The following GHR variants were observed in gnomAD, a reference collection of about 807,000 sequenced individuals.
The protein encoded by GHR is GH receptor.
GHR carries 35 observed loss-of-function variants against 67.1 expected under a neutral mutation model. That is an observed-to-expected ratio of 0.52 (90% CI 0.40 to 0.69). The LOEUF (loss-of-function observed/expected upper bound fraction) is 0.69. Ranked by LOEUF, GHR falls within the 30% of genes least tolerant of loss-of-function variation. The probability of loss-of-function intolerance (pLI) is 0.00; values close to 1 mark genes in which losing one functional copy is unlikely to be tolerated. For synonymous variants in GHR, 272 were observed against 269.1 expected, an observed-to-expected ratio of 1.01 and a Z score of -0.10; for missense variants, 792 against 764.6, an observed-to-expected ratio of 1.04 and a Z score of -0.42.
At chr5:42,447,904 G>C (rs1341835572) in intron 1 of GHR, among the ~76,000 whole-genome samples, 2 of 151,798 alleles carry the variant, frequency 1.3e-5, no homozygotes, top group African/African-American at 4.8e-5. Flanking sequence ...TGGGATTACA[G>C]GTGCCCACAA....
At chr5:42,711,451 G>A in intron 7 of GHR, 79 bp downstream of exon 7, 1 of 970,162 alleles carries the variant, frequency 1.0e-6, no homozygotes, top group Admixed American at 1.7e-5. Context: ...TGCACTGGTA[G>A]TGTGTTGTCC....
chr5:42,668,774 G>T (rs1459381366), intron 3 of GHR, among the ~76,000 whole-genome samples: 1 of 151,894 alleles, frequency 6.6e-6, no homozygotes, highest in African/African-American at 2.4e-5. Context: ...GAGGTATATT[G>T]CATGCCAATG....
chr5:42,605,395 C>A (rs907123936), intron 2 of GHR, among the ~76,000 whole-genome samples: 11 of 151,954 alleles, frequency 7.2e-5, no homozygotes, highest in African/African-American at 2.7e-4. Flanking sequence ...TGAGAGCCAC[C>A]GCGCCCGGCC....
intron 1 of GHR, among the ~76,000 whole-genome samples, chr5:42,476,004 AC>A (rs1357895383): frequency 6.6e-6 from 1 of 150,888 alleles, no homozygotes; most frequent in East Asian, 1.9e-4. Flanking sequence ...TCCCAGGCTC[AC>A]GCCATTCTCC....
rs1288870407 is a variant in GHR at position 42,711,297 on chromosome 5, T to C, written c.709T>C (p.Ser237Pro). The C allele has an allele frequency of 1.2e-6, 2 of 1,613,090 alleles. No individual in the cohort carries two copies. The highest frequency in any genetic ancestry group is 2.7e-5 in the African/African-American group (2 of 74,904). ...GCGTGTGAGATCCAAACAACGAAAC[T>C]CTGGAAATTATGGCGAGTTCAGTGA... is the stretch of plus-strand genomic sequence containing the variant. ...EVRVRSKQRN[S>P]GNYGEFSEVL... The change falls in exon 7 of 10, where the codon TCT becomes CCT. Residue 237 changes from serine to proline, a missense_variant. Coordinates refer to ENST00000230882, the MANE Select transcript of GHR (RefSeq NM_000163.5).
Position 42,684,735 on chromosome 5 carries a change from A to G in GHR, c.137-4155A>G, listed in dbSNP as rs536706271. On this transcript the variant is annotated intron_variant, in intron 3 of 9. Transcript: ENST00000230882. Reference sequence around the variant, plus strand: ...AACTCTTGTAAATTTCTCCATTCATACAGGAAAATGAGTATTTCTTACAAC... The same window carrying G: ...AACTCTTGTAAATTTCTCCATTCATGCAGGAAAATGAGTATTTCTTACAAC... 4.6e-5 allele frequency among the ~76,000 whole-genome samples: 7 copies of G among 152,226 alleles called. No homozygotes were observed. The East Asian group carries it at 1.2e-3, about 25-fold the overall frequency.
Position 42,534,274 on chromosome 5 carries a change from A to G in GHR, c.-11-31590A>G, listed in dbSNP as rs993015618. Among the ~76,000 whole-genome samples the G allele has an allele frequency of 2.7e-3, 368 of 136,078 alleles. 4 individuals carry two copies. The highest frequency in any genetic ancestry group is 8.8e-3 in the African/African-American group (295 of 33,572). 89.3% of individuals were successfully genotyped at this position (136,078 alleles called of 152,430 possible). A position where few individuals can be genotyped will look rare whatever the true frequency, so the allele number is the denominator to read the frequency against. Reference sequence around the variant, plus strand: ...TATATGTACATGTGTATATGTGTATATATGTATATATGTACATGTGTATAT... The same window carrying G: ...TATATGTACATGTGTATATGTGTATGTATGTATATATGTACATGTGTATAT... On this transcript the variant is annotated intron_variant, in intron 1 of 9. Transcript: ENST00000230882.
At chr5:42,663,945 C>A (rs1324783488) in intron 3 of GHR, among the ~76,000 whole-genome samples, 1 of 152,106 alleles carries the variant, frequency 6.6e-6, no homozygotes, top group African/African-American at 2.4e-5. Context: ...TTCTTATACA[C>A]CAATAACAGA....
intron 3 of GHR, among the ~76,000 whole-genome samples, chr5:42,674,200 G>A (rs1006559797): frequency 2.6e-5 from 4 of 151,966 alleles, no homozygotes; most frequent in African/African-American, 9.7e-5. Context: ...TCCTGTTTTT[G>A]TGACAGTGAC....
intron 1 of GHR, among the ~76,000 whole-genome samples, chr5:42,464,414 C>T (rs1206853560): frequency 6.6e-6 from 1 of 151,682 alleles, no homozygotes; most frequent in Non-Finnish European, 1.5e-5. Context: ...GGGGTCATGC[C>T]ATCAGAAACA....
At chr5:42,542,766 C>CT (rs905910139) in intron 1 of GHR, among the ~76,000 whole-genome samples, 4 of 151,904 alleles carry the variant, frequency 2.6e-5, no homozygotes, top group African/African-American at 7.3e-5. Context: ...CAATATACAC[C>CT]TTTTTTTATC....
At chr5:42,681,250 T>G (rs914481235) in intron 3 of GHR, among the ~76,000 whole-genome samples, 1 of 127,180 alleles carries the variant, frequency 7.9e-6, no homozygotes, top group Non-Finnish European at 1.6e-5. Flanking sequence ...ACAAAGAACT[T>G]CAATAAATTT....
intron 3 of GHR, among the ~76,000 whole-genome samples, chr5:42,644,331 C>T (rs78030461): frequency 0.016 from 2,426 of 152,252 alleles, 103 homozygotes; most frequent in East Asian, 0.14. Context: ...AAGTAAGCCT[C>T]TAGGTCTAAC....
At chr5:42,711,924 G>A (rs775796199) in intron 7 of GHR, among the ~76,000 whole-genome samples, 5 of 152,076 alleles carry the variant, frequency 3.3e-5, no homozygotes, top group Non-Finnish European at 7.4e-5. Context: ...TAAAGGAGAC[G>A]TGGAACATTT....
chr5:42,608,816 C>G (rs1453661375), intron 2 of GHR, among the ~76,000 whole-genome samples: 1 of 152,104 alleles, frequency 6.6e-6, no homozygotes, highest in Non-Finnish European at 1.5e-5. Flanking sequence ...CAAATTCTGT[C>G]TTCACTTCTG....
intron 2 of GHR, among the ~76,000 whole-genome samples, chr5:42,594,346 C>T (rs1751953252): frequency 6.6e-6 from 1 of 152,212 alleles, no homozygotes; most frequent in South Asian, 2.1e-4. Flanking sequence ...AATAACTCCA[C>T]TCTCCATGGT....
At chr5:42,600,437 G>A (rs558575726) in intron 2 of GHR, among the ~76,000 whole-genome samples, 1 of 152,328 alleles carries the variant, frequency 6.6e-6, no homozygotes, top group African/African-American at 2.4e-5. Flanking sequence ...GGACCAGGAT[G>A]GCTAGGCCAT....
chr5:42,702,085 A>G (rs916160718), intron 6 of GHR, among the ~76,000 whole-genome samples: 8 of 152,144 alleles, frequency 5.3e-5, no homozygotes. Flanking sequence ...ATCTACTCAG[A>G]GATTTTCAAA....
chr5:42,558,493 A>G (rs1392974019), intron 1 of GHR, among the ~76,000 whole-genome samples: 2 of 152,258 alleles, frequency 1.3e-5, no homozygotes, highest in Non-Finnish European at 2.9e-5. Flanking sequence ...TTTCAACTAT[A>G]GTCATGCACC....
Sources: allele counts gnomAD v4.1 joint callset (sites outside exome capture counted in the v4.1 genomes callset), GRCh38; gene constraint gnomAD v4.1.1; transcripts MANE v1.5; gene names NCBI Gene and HGNC (gene_info 2026-07-23, HGNC 2026-07-21).